The following HADHA variants were observed in gnomAD, a reference collection of about 807,000 sequenced individuals.
The protein encoded by HADHA is trifunctional enzyme subunit alpha, mitochondrial.
In HADHA, 59 loss-of-function variants were observed where a neutral mutation model predicts 91.3. That is an observed-to-expected ratio of 0.65 (90% CI 0.52 to 0.80). The LOEUF (loss-of-function observed/expected upper bound fraction) is 0.80, where lower values mean the gene tolerates loss of function less well. HADHA is among the 30% of genes least tolerant of loss of function. HADHA has a pLI of 0.00. For synonymous variants in HADHA, 320 were observed against 338.9 expected (o/e 0.94, Z 0.61); for missense variants, 800 against 927.6 (o/e 0.86, Z 1.79).
chr2:26,202,229 A>G (rs1428611903), intron 12 of HADHA, among the ~76,000 whole-genome samples: 3 of 152,044 alleles, frequency 2.0e-5, no homozygotes, highest in East Asian at 1.9e-4. Flanking sequence ...CTTTTTTCCC[A>G]TAGGGAGCAG....
At chr2:26,239,878 C>T (rs147936067) in intron 1 of HADHA, among the ~76,000 whole-genome samples, 77 of 152,340 alleles carry the variant, frequency 5.1e-4, no homozygotes, top group African/African-American at 1.7e-3. Flanking sequence ...TATTTACTAG[C>T]TGTGTGACTG....
At position 26,214,321 on chromosome 2, in the gene HADHA, C is replaced by T. The variant is rs1321417002; in HGVS notation, c.918+122G>A. 2.6e-6 allele frequency: 2 copies of T among 764,372 alleles called. No individual in the cohort carries two copies. Among genetic ancestry groups the T allele is most frequent in the East Asian group, 2.4e-5 (1 of 40,984 alleles). The allele number at this position is 764,372 out of a possible 1,614,324, so 47.3% of individuals were successfully genotyped here. On this transcript the variant is annotated intron_variant, in intron 9 of 19. Transcript: ENST00000380649. The surrounding 1 kb of genome is among the most constrained non-coding windows in gnomAD (Gnocchi z 4.1). ...GCCCTTCCCTTATTTTTGGTAAATACTTTAATAGCAGAATTAAGAAATTTA... is the reference window on the plus strand; with the variant it reads ...GCCCTTCCCTTATTTTTGGTAAATATTTTAATAGCAGAATTAAGAAATTTA...
At chr2:26,233,218 G>A (rs528000275) in intron 5 of HADHA, among the ~76,000 whole-genome samples, 1 of 152,310 alleles carries the variant, frequency 6.6e-6, no homozygotes, top group East Asian at 1.9e-4. Flanking sequence ...GGGAACTGGG[G>A]ACCCCTGTCC....
chr2:26,212,757 G>A (rs1670133359), intron 9 of HADHA, 131 bp from the exon 10 acceptor site: 3 of 743,672 alleles, frequency 4.0e-6, no homozygotes. Flanking sequence ...ATGAGAAAGA[G>A]AAGAGGACTG....
At chr2:26,209,700 G>C in intron 11 of HADHA, 80 bp downstream of exon 11, 1 of 803,974 alleles carries the variant, frequency 1.2e-6, no homozygotes, top group South Asian at 1.3e-5. Flanking sequence ...TACAGATCTA[G>C]CTCTGTAGAT....
Position 26,197,777 on chromosome 2 carries a change from C to T in HADHA, c.1393G>A (p.Val465Met), listed in dbSNP as rs1226499517. 1 of 1,453,032 alleles carries T rather than the reference C, an allele frequency of 6.9e-7. No homozygotes were observed. Among genetic ancestry groups the T allele is most frequent in the Non-Finnish European group, 9.7e-7 (1 of 1,032,704 alleles). The allele number at this position is 1,453,032 out of a possible 1,614,324, so 90.0% of individuals were successfully genotyped here. The change falls in exon 14 of 20, where the codon GTG becomes ATG. Residue 465 changes from valine (V) to methionine (M), a missense_variant and splice_region_variant. Physicochemically the swap from Val to Met is conservative, Grantham distance 21. Coordinates refer to ENST00000380649, the MANE Select transcript of HADHA (RefSeq NM_000182.5). Reference sequence around the variant, plus strand: ...GCAAAGATACAGTGATCTGGAATCACCTGCAGGGGAAAAGCATTTAACAAT... The same window carrying T: ...GCAAAGATACAGTGATCTGGAATCATCTGCAGGGGAAAAGCATTTAACAAT... ...KHRVLKEVEA[V>M]IPDHCIFASN...
Position 26,229,873 on chromosome 2 carries a change from C to G in HADHA, c.676+319G>C, listed in dbSNP as rs1670577902. ...TGGGAGTCTGGCTCTGTTGCCCAGG[C>G]TGGAGCACAATGGCATGATCTTGGC... On this transcript the variant is annotated intron_variant, in intron 7 of 19. Coordinates refer to ENST00000380649, the MANE Select transcript of HADHA (RefSeq NM_000182.5). The surrounding 1 kb of genome is among the most constrained non-coding windows in gnomAD (Gnocchi z 4.3). Among the ~76,000 whole-genome samples the G allele has an allele frequency of 6.6e-6, 1 of 152,216 alleles. No homozygotes were observed. The highest frequency in any genetic ancestry group is 2.1e-4 in the South Asian group (1 of 4,836).
At chr2:26,200,589 T>A (rs1202207804) in intron 13 of HADHA, among the ~76,000 whole-genome samples, 1 of 152,204 alleles carries the variant, frequency 6.6e-6, no homozygotes, top group African/African-American at 2.4e-5. Flanking sequence ...CTCTGTGAGG[T>A]TATCTGTATG....
At chr2:26,195,530 C>A (rs776121813) in intron 14 of HADHA, among the ~76,000 whole-genome samples, 6 of 140,570 alleles carry the variant, frequency 4.3e-5, no homozygotes, top group Non-Finnish European at 9.0e-5. Flanking sequence ...TATTGGGGAA[C>A]GACGGATGAA....
At chr2:26,222,521 G>A (rs914486898) in intron 7 of HADHA, among the ~76,000 whole-genome samples, 29 of 152,152 alleles carry the variant, frequency 1.9e-4, no homozygotes, top group African/African-American at 6.8e-4. Context: ...GGGATGACTC[G>A]TTCTATGGAT....
chr2:26,215,238 A>C (rs1446219742), intron 7 of HADHA, 63 bp from the exon 8 acceptor site: 5 of 1,538,362 alleles, frequency 3.3e-6, no homozygotes, highest in Non-Finnish European at 4.5e-6. Flanking sequence ...GGTAGTGAAA[A>C]ACCCAGACTT....
intron 1 of HADHA, among the ~76,000 whole-genome samples, chr2:26,244,273 G>A (rs1342116922): frequency 6.6e-6 from 1 of 152,244 alleles, no homozygotes; most frequent in Non-Finnish European, 1.5e-5. Flanking sequence ...CCCGCGGAAA[G>A]GTGACAGAAC....
In HADHA at chr2:26,212,635, CAT is replaced by C; in HGVS notation, c.919-11_919-10del. The C allele has an allele frequency of 4.4e-6, 7 of 1,578,020 alleles. No individual in the cohort carries two copies. Among genetic ancestry groups the C allele is most frequent in the Non-Finnish European group, 6.1e-6 (7 of 1,147,020 alleles). On this transcript the variant is annotated splice_polypyrimidine_tract_variant and intron_variant, in intron 9 of 19. Coordinates refer to ENST00000380649, the MANE Select transcript of HADHA (RefSeq NM_000182.5). ...ATTCCAGTCTTTACCACCTAAAAAA[CAT>C]ATAAAGCACTTGCTCAGCGTTGGAA...
intron 7 of HADHA, among the ~76,000 whole-genome samples, chr2:26,223,977 C>G (rs1307403111): frequency 6.6e-6 from 1 of 152,172 alleles, no homozygotes; most frequent in African/African-American, 2.4e-5. Flanking sequence ...GAACTCCTGA[C>G]CTCAGGTGAT....
intron 4 of HADHA, among the ~76,000 whole-genome samples, chr2:26,234,721 G>A (rs1320588543): frequency 6.0e-5 from 9 of 150,126 alleles, no homozygotes; most frequent in African/African-American, 2.2e-4. Flanking sequence ...AGCCGAGATC[G>A]CGCCACTGCA....
At chr2:26,216,533 C>T (rs1670225426) in intron 7 of HADHA, among the ~76,000 whole-genome samples, 1 of 152,022 alleles carries the variant, frequency 6.6e-6, no homozygotes, top group Non-Finnish European at 1.5e-5. Context: ...GTTGGCCAAG[C>T]TGGTCTTGAA....
In HADHA at chr2:26,229,375, A is replaced by ACACACAC; in HGVS notation, c.676+816_676+817insGTGTGTG. Among the ~76,000 whole-genome samples the ACACACAC allele has an allele frequency of 1.3e-5, 1 of 75,646 alleles. No individual in the cohort carries two copies. Among genetic ancestry groups the ACACACAC allele is most frequent in the Non-Finnish European group, 2.9e-5 (1 of 34,896 alleles). The allele number at this position is 75,646 out of a possible 152,430, so 49.6% of individuals were successfully genotyped here. On this transcript the variant is annotated intron_variant, in intron 7 of 19. Transcript: ENST00000380649. The surrounding 1 kb of genome is among the most constrained non-coding windows in gnomAD (Gnocchi z 4.3). ...ACACACACACACACACACACACACA[A>ACACACAC]AATTAATACATTTACTATTATGTAA...
chr2:26,229,922 G>A lies in HADHA; in HGVS notation c.676+270C>T, dbSNP rs909686394. Among the ~76,000 whole-genome samples the A allele has an allele frequency of 4.6e-5, 7 of 152,166 alleles. No individual in the cohort carries two copies. The highest frequency in any genetic ancestry group is 1.7e-4 in the African/African-American group (7 of 41,444). Reference sequence around the variant, plus strand: ...GCTCACTGCAACCTCAGCCCCGCCAGGTTCAAGCGATCCTCCTGCCTCAGC... The same window carrying A: ...GCTCACTGCAACCTCAGCCCCGCCAAGTTCAAGCGATCCTCCTGCCTCAGC... On this transcript the variant is annotated intron_variant, in intron 7 of 19. Coordinates refer to ENST00000380649, the MANE Select transcript of HADHA (RefSeq NM_000182.5). This position sits in a 1 kb window ranked among gnomAD's most constrained non-coding sequence, Gnocchi z 4.3.
In HADHA at chr2:26,214,944, G is replaced by T; in HGVS notation, c.799+109C>A. On this transcript the variant is annotated intron_variant, in intron 8 of 19. Transcript: ENST00000380649. This position sits in a 1 kb window ranked among gnomAD's most constrained non-coding sequence, Gnocchi z 4.1. ...ATCTCCTACCTAAGGCTGACTTTAT[G>T]CTTTGAGTAAATAATGCATTTACCA... 4.8e-6 allele frequency: 5 copies of T among 1,044,356 alleles called. No individual in the cohort carries two copies. Among genetic ancestry groups the T allele is most frequent in the East Asian group, 2.4e-5 (1 of 42,300 alleles). The allele number at this position is 1,044,356 out of a possible 1,614,324, so 64.7% of individuals were successfully genotyped here. A position where few individuals can be genotyped will look rare whatever the true frequency, so the allele number is the denominator to read the frequency against.
Sources: gnomAD v4.1 joint callset for allele counts (sites outside exome capture counted in the v4.1 genomes callset) on GRCh38, gnomAD v4.1.1 for gene constraint, Gnocchi (gnomAD v3.1) non-coding constraint, MANE v1.5 for transcripts, NCBI Gene and HGNC (gene_info 2026-07-23, HGNC 2026-07-21) for gene names.